The following CTNNA1 variants were observed in gnomAD, a reference collection of about 807,000 sequenced individuals.
CTNNA1 encodes catenin alpha 1.
In CTNNA1, 37 loss-of-function variants were observed where a neutral mutation model predicts 98.4. That is an observed-to-expected ratio of 0.38 (90% confidence interval 0.29 to 0.49). CTNNA1 has a LOEUF of 0.49. Ranked by LOEUF, CTNNA1 falls within the 20% of genes least tolerant of loss-of-function variation. The probability of loss-of-function intolerance (pLI) is 0.95; values close to 1 mark genes in which losing one functional copy is unlikely to be tolerated. For missense variants in CTNNA1, 761 were observed against 1,147.2 expected (o/e 0.66, Z 4.86); for synonymous variants, 404 against 413.2 (o/e 0.98, Z 0.27).
chr5:138,816,268 C>T (rs1437376410), intron 5 of CTNNA1, among the ~76,000 whole-genome samples: 1 of 152,152 alleles, frequency 6.6e-6, no homozygotes, highest in Non-Finnish European at 1.5e-5. Flanking sequence ...ATATATGCCA[C>T]ATTTTGTCTG....
At chr5:138,814,856 C>T (rs551036269) in intron 5 of CTNNA1, among the ~76,000 whole-genome samples, 2 of 152,156 alleles carry the variant, frequency 1.3e-5, no homozygotes, top group African/African-American at 4.8e-5. Context: ...TGGGTTCAAG[C>T]TATTCTCTTG....
At chr5:138,849,228 T>A (rs115161477) in intron 7 of CTNNA1, among the ~76,000 whole-genome samples, 1 of 152,238 alleles carries the variant, frequency 6.6e-6, no homozygotes. Flanking sequence ...TCATGTAGTT[T>A]CATGTTCATT....
At chr5:138,759,540 T>G (rs1017288213) in intron 1 of CTNNA1, among the ~76,000 whole-genome samples, 3 of 152,162 alleles carry the variant, frequency 2.0e-5, no homozygotes, top group African/African-American at 7.2e-5. Flanking sequence ...GAAGTCTACT[T>G]CAGCTGGAGG....
At chr5:138,769,601 T>C (rs758635889) in intron 1 of CTNNA1, among the ~76,000 whole-genome samples, 1 of 151,726 alleles carries the variant, frequency 6.6e-6, no homozygotes, top group East Asian at 1.9e-4. Context: ...GGTGCGATCT[T>C]GGCTCACCGC....
chr5:138,815,037 C>T (rs1197488405), intron 5 of CTNNA1, among the ~76,000 whole-genome samples: 2 of 152,190 alleles, frequency 1.3e-5, no homozygotes, highest in Non-Finnish European at 2.9e-5. Context: ...CAGGCATGAG[C>T]CACCACACTC....
In CTNNA1 at chr5:138,783,262, CT is replaced by C; in HGVS notation, c.192del (p.Val65LeufsTer30). ...AAGAAGGCCCATGTTTTGGCTGCAT[CT>C]GTTGAACAAGCAACTGAGAATTTCT... ...RSKKAHVLAA[S>X]VEQATENFLE... On this transcript the variant is annotated frameshift_variant, in exon 3 of 18. Coordinates refer to ENST00000302763, the MANE Select transcript of CTNNA1 (RefSeq NM_001903.5). LOFTEE classifies it high-confidence loss of function. 6.2e-7 allele frequency: 1 copy of C among 1,614,146 alleles called. No individual in the cohort carries two copies. The highest frequency in any genetic ancestry group is 8.5e-7 in the Non-Finnish European group (1 of 1,180,002).
At chr5:138,789,936 C>T (rs1023185662) in intron 3 of CTNNA1, among the ~76,000 whole-genome samples, 1 of 152,010 alleles carries the variant, frequency 6.6e-6, no homozygotes, top group Non-Finnish European at 1.5e-5. Context: ...TTTTTTTTCC[C>T]CTTAGAAACT....
chr5:138,789,194 C>G (rs888675466), intron 3 of CTNNA1, among the ~76,000 whole-genome samples: 1 of 151,954 alleles, frequency 6.6e-6, no homozygotes, highest in Non-Finnish European at 1.5e-5. Flanking sequence ...TTTTTCCCCC[C>G]CCCCAGAGCT....
rs975363038 is a variant in CTNNA1 at position 138,909,047 on chromosome 5, G to A, written c.1389+4606G>A. Among the ~76,000 whole-genome samples the A allele has an allele frequency of 1.6e-4, 25 of 152,080 alleles. 1 individual carries two copies. Among genetic ancestry groups the A allele is most frequent in the Admixed American group, 1.6e-3 (24 of 15,266 alleles). ...ATTTTTAAATTCAAAACCATTTGGTGTGCTGGTCAGGAAGAAGAAACAAAA... is the reference window on the plus strand; with the variant it reads ...ATTTTTAAATTCAAAACCATTTGGTATGCTGGTCAGGAAGAAGAAACAAAA... On this transcript the variant is annotated intron_variant, in intron 10 of 17. Transcript: ENST00000302763.
Position 138,933,981 on chromosome 5 carries a change from G to A in CTNNA1, c.2613G>A (p.Lys871=), listed in dbSNP as rs1766001253. ...CACCAGAGAAAAAGCCATTGGTGAA[G>A]AGAGAGAAACAGGATGAGACACAGA... ...MKAPEKKPLV[K]REKQDETQTK... The change falls in exon 18 of 18, where the codon AAG becomes AAA. Residue 871 remains lysine (K), a synonymous_variant. Transcript: ENST00000302763. 6.2e-7 allele frequency: 1 copy of A among 1,614,180 alleles called. No homozygotes were observed. The highest frequency in any genetic ancestry group is 1.1e-5 in the South Asian group (1 of 91,078).
At chr5:138,804,279 A>G (rs1441716557) in intron 3 of CTNNA1, among the ~76,000 whole-genome samples, 1 of 152,140 alleles carries the variant, frequency 6.6e-6, no homozygotes, top group East Asian at 1.9e-4. Context: ...ACTGCATTCA[A>G]TACTGGTTTT....
chr5:138,932,527 G>A (rs2150348462), intron 16 of CTNNA1, 51 bp from the exon 17 acceptor site: 10 of 1,603,472 alleles, frequency 6.2e-6, no homozygotes, highest in Non-Finnish European at 8.5e-6. Flanking sequence ...TGGGGTCGGG[G>A]GTGCTTGGGC....
At chr5:138,820,781 A>G (rs949480831) in intron 5 of CTNNA1, among the ~76,000 whole-genome samples, 1 of 152,164 alleles carries the variant, frequency 6.6e-6, no homozygotes, top group African/African-American at 2.4e-5. Context: ...CTAGTTGGCC[A>G]TCTGATGTCA....
Position 138,812,272 on chromosome 5 carries a change from G to A in CTNNA1, c.558G>A (p.Lys186=). The A allele has an allele frequency of 6.2e-7, 1 of 1,613,796 alleles. No homozygotes were observed. The highest frequency in any genetic ancestry group is 8.5e-7 in the Non-Finnish European group (1 of 1,179,898). Residue 186 remains lysine (K), a synonymous_variant, in exon 5 of 18, where the codon AAG becomes AAA. Transcript: ENST00000302763. ...QYKALKPEVD[K]LNIMAAKRQQ... ...AAGCCCTAAAACCTGAAGTGGATAA[G>A]CTGAACATTATGGCAGCCAAAAGAC...
chr5:138,793,516 C>T (rs532774730), intron 3 of CTNNA1, among the ~76,000 whole-genome samples: 13 of 152,238 alleles, frequency 8.5e-5, no homozygotes, highest in African/African-American at 3.1e-4. Flanking sequence ...ATAACACTAA[C>T]CAGGATAATA....
chr5:138,859,131 T>G (rs1266510234), intron 7 of CTNNA1, among the ~76,000 whole-genome samples: 1 of 152,252 alleles, frequency 6.6e-6, no homozygotes, highest in African/African-American at 2.4e-5. Flanking sequence ...TGTGTATTCT[T>G]CATTGATTAA....
intron 3 of CTNNA1, among the ~76,000 whole-genome samples, chr5:138,806,916 C>G (rs1295881052): frequency 2.0e-5 from 3 of 151,022 alleles, no homozygotes; most frequent in Admixed American, 6.6e-5. Flanking sequence ...GCTTTAGTTG[C>G]ATTATTTGTA....
intron 7 of CTNNA1, chr5:138,872,025 A>AGTGTGT (rs1400417704): frequency 1.8e-5 from 2 of 111,156 alleles, no homozygotes; most frequent in African/African-American, 7.2e-5. Flanking sequence ...AGAGAGCGCG[A>AGTGTGT]GAGTGTGTGT....
chr5:138,765,333 G>A (rs145226632), intron 1 of CTNNA1, among the ~76,000 whole-genome samples: 4,189 of 151,816 alleles, frequency 0.028, 181 homozygotes, highest in African/African-American at 0.095. Flanking sequence ...GAGCCACCGC[G>A]CCCGGCCCCA....
Sources: allele counts gnomAD v4.1 joint callset (sites outside exome capture counted in the v4.1 genomes callset), GRCh38; gene constraint gnomAD v4.1.1; transcripts MANE v1.5; gene names NCBI Gene and HGNC (gene_info 2026-07-23, HGNC 2026-07-21).